CXCL1: variants seen among roughly 807,000 people sequenced by gnomAD.
CXCL1 encodes growth-regulated alpha protein.
Under a neutral mutation model 11.7 loss-of-function variants are expected in CXCL1, and 9 were observed. That is an observed-to-expected ratio of 0.77 (90% CI 0.46 to 1.34). The LOEUF is 1.34. CXCL1 is among the 40% of genes most tolerant of loss of function. The pLI is 0.00. For synonymous variants in CXCL1, 78 were observed against 59.1 expected (o/e 1.32, Z -1.47); for missense variants, 146 against 138.1 (o/e 1.06, Z -0.29).
At position 73,870,547 on chromosome 4, in the gene CXCL1, G is replaced by A; in HGVS notation, c.*11G>A. ...GACAAATCCAACTGACCAGAAGGGA[G>A]GAGGAAGCTCACTGGTGGCTGTTCC... is the stretch of plus-strand genomic sequence containing the variant. On this transcript the variant is annotated 3_prime_UTR_variant, in exon 4 of 4. Coordinates refer to ENST00000395761, the MANE Select transcript of CXCL1 (RefSeq NM_001511.4). 1 of 1,613,866 alleles carries A rather than the reference G, an allele frequency of 6.2e-7. No individual in the cohort carries two copies. Among genetic ancestry groups the A allele is most frequent in the African/African-American group, 1.3e-5 (1 of 75,034 alleles).
Position 73,869,507 on chromosome 4 carries a change from C to G in CXCL1, c.37C>G (p.Pro13Ala). 1 of 1,592,124 alleles carries G rather than the reference C, an allele frequency of 6.3e-7. No homozygotes were observed. Among genetic ancestry groups the G allele is most frequent in the African/African-American group, 1.3e-5 (1 of 74,422 alleles). Residue 13 changes from proline (P) to alanine (A), a missense_variant, in exon 1 of 4, where the codon CCC becomes GCC. Coordinates refer to ENST00000395761, the MANE Select transcript of CXCL1 (RefSeq NM_001511.4). ...RAALSAAPSN[P>A]RLLRVALLLL... Reference sequence around the variant, plus strand: ...TGCTCTCTCCGCCGCCCCCAGCAATCCCCGGCTCCTGCGAGTGGCACTGCT... The same window carrying G: ...TGCTCTCTCCGCCGCCCCCAGCAATGCCCGGCTCCTGCGAGTGGCACTGCT...
In CXCL1 at chr4:73,869,455, C is replaced by T. The variant is rs1159987225; in HGVS notation, c.-16C>T. ...TCCGCTCCTCTCACAGCCGCCAGAC[C>T]CGCCTGCTGAGCCCCATGGCCCGCG... On this transcript the variant is annotated 5_prime_UTR_variant, in exon 1 of 4. Coordinates refer to ENST00000395761, the MANE Select transcript of CXCL1 (RefSeq NM_001511.4). The T allele has an allele frequency of 4.5e-6, 7 of 1,548,972 alleles. No homozygotes were observed. Among genetic ancestry groups the T allele is most frequent in the Non-Finnish European group, 5.2e-6 (6 of 1,149,184 alleles).
In CXCL1 at chr4:73,869,583, G is replaced by C; in HGVS notation, c.100+13G>C. On this transcript the variant is annotated intron_variant, in intron 1 of 3. Coordinates refer to ENST00000395761, the MANE Select transcript of CXCL1 (RefSeq NM_001511.4). ...CGGCGCGCAGCAGGTGGGTACCGGC[G>C]CCCTGGGGTCCCCGGGCCGGACGCG... The C allele has an allele frequency of 6.2e-7, 1 of 1,612,348 alleles. No individual in the cohort carries two copies. The highest frequency in any genetic ancestry group is 8.5e-7 in the Non-Finnish European group (1 of 1,179,216).
chr4:73,870,380 A>T, intron 3 of CXCL1, 141 bp from the exon 4 acceptor site: 1 of 1,014,722 alleles, frequency 9.9e-7, no homozygotes, highest in East Asian at 2.6e-5. Context: ...CACAGCTGTC[A>T]TAGGCAGTAG....
chr4:73,870,040 T>C, intron 3 of CXCL1, 51 bp downstream of exon 3: 3 of 1,549,578 alleles, frequency 1.9e-6, no homozygotes, highest in Non-Finnish European at 8.9e-7. Flanking sequence ...TGGTCAGAAA[T>C]ACTGGCATGT....
rs1731930165 is a variant in CXCL1 at position 73,870,633 on chromosome 4, A to G, written c.*97A>G. On this transcript the variant is annotated 3_prime_UTR_variant, in exon 4 of 4. Transcript: ENST00000395761. Reference sequence around the variant, plus strand: ...AAAGAGAGACACAGCTGCAGAGGCCACCTGGATTGTGCCTAATGTGTTTGA... The same window carrying G: ...AAAGAGAGACACAGCTGCAGAGGCCGCCTGGATTGTGCCTAATGTGTTTGA... The G allele has an allele frequency of 2.1e-5, 31 of 1,446,378 alleles. 1 individual carries two copies. The South Asian group carries it at 3.6e-4, about 17-fold the overall frequency. 89.6% of individuals were successfully genotyped at this position (1,446,378 alleles called of 1,614,324 possible). A position where few individuals can be genotyped will look rare whatever the true frequency, so the allele number is the denominator to read the frequency against.
At chr4:73,870,442 G>C (rs1731922262) in intron 3 of CXCL1, 79 bp from the exon 4 acceptor site, 5 of 1,581,352 alleles carry the variant, frequency 3.2e-6, no homozygotes, top group Non-Finnish European at 4.3e-6. Context: ...CTAGAGGCTG[G>C]AGGAGCAGGG....
intron 3 of CXCL1, 84 bp downstream of exon 3, chr4:73,870,073 A>G (rs1294354786): frequency 7.3e-7 from 1 of 1,367,542 alleles, no homozygotes; most frequent in East Asian, 2.4e-5. Context: ...TAAAATCAGG[A>G]AAACCCAGGG....
chr4:73,869,499 C>T lies in CXCL1; in HGVS notation c.29C>T (p.Pro10Leu). The change falls in exon 1 of 4, where the codon CCC (proline) becomes CTC (leucine). Residue 10 changes from proline to leucine, a missense_variant. Pro to Leu is a moderately conservative substitution (Grantham distance 98). Coordinates refer to ENST00000395761, the MANE Select transcript of CXCL1 (RefSeq NM_001511.4). MARAALSAA[P>L]SNPRLLRVAL... is the part of the protein sequence containing the mutation. ...GCCCGCGCTGCTCTCTCCGCCGCCC[C>T]CAGCAATCCCCGGCTCCTGCGAGTG... 1 of 1,586,006 alleles carries T rather than the reference C, an allele frequency of 6.3e-7. No homozygotes were observed. Among genetic ancestry groups the T allele is most frequent in the South Asian group, 1.1e-5 (1 of 88,792 alleles).
At chr4:73,870,499 G>A (rs1731925273) in intron 3 of CXCL1, 22 bp from the exon 4 acceptor site, 2 of 1,613,762 alleles carry the variant, frequency 1.2e-6, no homozygotes, top group East Asian at 4.5e-5. Context: ...ACCTACTCAG[G>A]GCACCCATTT....
rs201725952 is a variant in CXCL1, at chr4:73,869,575, G to A, written c.100+5G>A. The A allele has an allele frequency of 3.7e-6, 6 of 1,611,942 alleles. No individual in the cohort carries two copies. The African/African-American group carries it at 4.0e-5, about 11-fold the overall frequency. On this transcript the variant is annotated splice_donor_5th_base_variant and intron_variant, in intron 1 of 3. Transcript: ENST00000395761. ...CCGCTGGCCGGCGCGCAGCAGGTGG[G>A]TACCGGCGCCCTGGGGTCCCCGGGC...
Position 73,871,141 on chromosome 4 carries a change from C to T in CXCL1, c.*605C>T, listed in dbSNP as rs971076090. 2 of 152,294 alleles carry T rather than the reference C, an allele frequency of 1.3e-5. No individual in the cohort carries two copies. Among genetic ancestry groups the T allele is most frequent in the Non-Finnish European group, 2.9e-5 (2 of 68,164 alleles). The allele number at this position is 152,294 out of a possible 1,614,324, so 9.4% of individuals were successfully genotyped here. ...ATGTCTTTCTTGTAAGGCATACTGC[C>T]TTGTTTAATGGTAGTTTTACAGTGT... On this transcript the variant is annotated 3_prime_UTR_variant, in exon 4 of 4. Coordinates refer to ENST00000395761, the MANE Select transcript of CXCL1 (RefSeq NM_001511.4).
Position 73,869,922 on chromosome 4 carries a change from G to C in CXCL1, c.241G>C (p.Gly81Arg), listed in dbSNP as rs200169557. The C allele has an allele frequency of 1.2e-5, 19 of 1,614,028 alleles. No individual in the cohort carries two copies. In the African/African-American group the frequency reaches 2.4e-4, roughly 20 times the overall value. The change falls in exon 3 of 4, where the codon GGG becomes CGG. Residue 81 changes from glycine to arginine, a missense_variant. Transcript: ENST00000395761. ...CCTCTGCAGAGCCACACTCAAGAAT[G>C]GGCGGAAAGCTTGCCTCAATCCTGC... Reference protein sequence around the residue: ...QTEVIATLKNGRKACLNPASP... With the variant: ...QTEVIATLKNRRKACLNPASP...
Position 73,870,734 on chromosome 4 carries a change from TAAAA to T in CXCL1, c.*199_*202del, listed in dbSNP as rs1485410064. The T allele has an allele frequency of 6.7e-6, 4 of 598,374 alleles. No homozygotes were observed. In the African/African-American group the frequency reaches 7.5e-5, roughly 11 times the overall value. 37.1% of individuals were successfully genotyped at this position (598,374 alleles called of 1,614,324 possible). On this transcript the variant is annotated 3_prime_UTR_variant, in exon 4 of 4. Transcript: ENST00000395761. ...AGATTCTATGTTAATATTTTAGGTG[TAAAA>T]TAATTAAGGGTATGATTAACTCTAC...
Position 73,870,716 on chromosome 4 carries a change from AT to A in CXCL1, c.*181del. 1.5e-6 allele frequency: 1 copy of A among 661,268 alleles called. No individual in the cohort carries two copies. The highest frequency in any genetic ancestry group is 2.1e-5 in the South Asian group (1 of 46,734). The allele number at this position is 661,268 out of a possible 1,614,324, so 41.0% of individuals were successfully genotyped here. A position where few individuals can be genotyped will look rare whatever the true frequency, so the allele number is the denominator to read the frequency against. On this transcript the variant is annotated 3_prime_UTR_variant, in exon 4 of 4. Transcript: ENST00000395761. ...TTTATTCATTAGTTTTGAAGATTCT[AT>A]GTTAATATTTTAGGTGTAAAATAAT...
At chr4:73,869,819 C>A (rs2109770620) in intron 2 of CXCL1, 27 bp downstream of exon 2, 1 of 1,613,606 alleles carries the variant, frequency 6.2e-7, no homozygotes, top group African/African-American at 1.3e-5. Context: ...GCTGCCTCTG[C>A]CACCGCCGGG....
chr4:73,869,520 G>T lies in CXCL1; in HGVS notation c.50G>T (p.Arg17Leu), dbSNP rs541081060. ...GCCCCCAGCAATCCCCGGCTCCTGCGAGTGGCACTGCTGCTCCTGCTCCTG... is the reference window on the plus strand; with the variant it reads ...GCCCCCAGCAATCCCCGGCTCCTGCTAGTGGCACTGCTGCTCCTGCTCCTG... ...SAAPSNPRLL[R>L]VALLLLLLVA... Residue 17 changes from arginine (R) to leucine (L), a missense_variant, in exon 1 of 4, where the codon CGA becomes CTA. By Grantham distance (102) the Arg-to-Leu change is moderately radical. Transcript: ENST00000395761. 6.2e-6 allele frequency: 10 copies of T among 1,600,522 alleles called. No homozygotes were observed. In the Admixed American group the frequency reaches 1.6e-4, roughly 25 times the overall value.
chr4:73,869,481 C>T lies in CXCL1; in HGVS notation c.11C>T (p.Ala4Val). 3 of 1,568,348 alleles carry T rather than the reference C, an allele frequency of 1.9e-6. No homozygotes were observed. Among genetic ancestry groups the T allele is most frequent in the Non-Finnish European group, 2.6e-6 (3 of 1,158,164 alleles). ...CGCCTGCTGAGCCCCATGGCCCGCG[C>T]TGCTCTCTCCGCCGCCCCCAGCAAT... is the stretch of plus-strand genomic sequence containing the variant. MAR[A>V]ALSAAPSNPR... The change falls in exon 1 of 4, where the codon GCT (alanine) becomes GTT (valine). Residue 4 changes from alanine (A) to valine (V), a missense_variant. Transcript: ENST00000395761.
At chr4:73,870,104 T>C in intron 3 of CXCL1, 115 bp downstream of exon 3, 1 of 1,004,424 alleles carries the variant, frequency 1.0e-6, no homozygotes, top group Admixed American at 2.4e-5. Flanking sequence ...GGACTAGAAA[T>C]TGGGATTATT....
Sources: allele counts gnomAD v4.1 joint callset, GRCh38; gene constraint gnomAD v4.1.1; transcripts MANE v1.5; gene names NCBI Gene and HGNC (gene_info 2026-07-23, HGNC 2026-07-21).